Variants in ABCA9 observed in about 807,000 individuals in gnomAD.
ABCA9 encodes ATP-binding cassette sub-family A member 9.
Under a neutral mutation model 205.3 loss-of-function variants are expected in ABCA9, and 183 were observed. The ratio of observed to expected loss-of-function variants is 0.89; its 90% CI spans 0.79 to 1.01. The LOEUF (loss-of-function observed/expected upper bound fraction) is 1.01. ABCA9 is among the 50% of genes least tolerant of loss of function. ABCA9 has a pLI of 0.00. For synonymous variants in ABCA9, 651 were observed against 683.3 expected, an observed-to-expected ratio of 0.95 and a Z score of 0.74; for missense variants, 1,805 against 1,912.4, an observed-to-expected ratio of 0.94 and a Z score of 1.05.
chr17:69,004,967 GC>G (rs2070068799), intron 25 of ABCA9, among the ~76,000 whole-genome samples: 2 of 152,082 alleles, frequency 1.3e-5, no homozygotes, highest in Admixed American at 1.3e-4. Context: ...GCAATGCCTC[GC>G]CCTGCTTCGG....
chr17:68,984,826 A>T, intron 34 of ABCA9, 59 bp downstream of exon 34: 1 of 1,597,754 alleles, frequency 6.3e-7, no homozygotes, highest in Non-Finnish European at 8.6e-7. Context: ...ATGATTTTGC[A>T]GGCCAGTTTT....
At chr17:69,062,502 A>ATATT (rs747545052), upstream of ABCA9, among the ~76,000 whole-genome samples, 352 of 151,486 alleles carry the variant, frequency 2.3e-3, 1 homozygote, top group Non-Finnish European at 4.2e-3. Context: ...ACAATATTTA[A>ATATT]TATTTATTTA....
At position 69,021,863 on chromosome 17, in the gene ABCA9, T is replaced by C. The variant is rs1414507180; in HGVS notation, c.2282-2A>G. 2 of 1,440,164 alleles carry C rather than the reference T, an allele frequency of 1.4e-6. No individual in the cohort carries two copies. Among genetic ancestry groups the C allele is most frequent in the South Asian group, 2.8e-5 (2 of 71,392 alleles). 89.2% of individuals were successfully genotyped at this position (1,440,164 alleles called of 1,614,324 possible). On this transcript the variant is annotated splice_acceptor_variant, in intron 17 of 38. Transcript: ENST00000340001. LOFTEE classifies it high-confidence loss of function. ...ATCTATCAAGATCCCTGTAAAGTTC[T>C]AAAAGTGGATACAAAAACAGATTAT... is the stretch of plus-strand genomic sequence containing the variant.
rs779181484 is a variant in ABCA9 at position 69,033,759 on chromosome 17, C to A, written c.1243G>T (p.Val415Leu). 2 of 1,610,618 alleles carry A rather than the reference C, an allele frequency of 1.2e-6. No individual in the cohort carries two copies. The highest frequency in any genetic ancestry group is 1.7e-6 in the Non-Finnish European group (2 of 1,178,494). Reference protein sequence around the residue: ...MLVFDTLLYLVLTLYFDKILP... With the variant: ...MLVFDTLLYLLLTLYFDKILP... ...ATTTTGTCAAAATATAATGTCAATA[C>A]CAAATACAGAAGGGTGTCAAAAACC... Residue 415 changes from valine (V) to leucine (L), a missense_variant, in exon 9 of 39, where the codon GTA becomes TTA. Physicochemically the swap from Val to Leu is conservative, Grantham distance 32 (BLOSUM62 1). Transcript: ENST00000340001.
intron 37 of ABCA9, among the ~76,000 whole-genome samples, chr17:68,977,704 G>A (rs890160020): frequency 9.2e-5 from 14 of 152,180 alleles, no homozygotes; most frequent in African/African-American, 2.2e-4. Context: ...GGACGACACC[G>A]TGCCTAGCCC....
rs564018717 is a variant in ABCA9 at position 69,007,703 on chromosome 17, C to G, written c.3435+56G>C. The G allele has an allele frequency of 2.2e-4, 252 of 1,142,214 alleles. 5 individuals are homozygous for G. The South Asian group carries it at 2.9e-3, about 13-fold the overall frequency. The allele number at this position is 1,142,214 out of a possible 1,614,324, so 70.8% of individuals were successfully genotyped here. A position where few individuals can be genotyped will look rare whatever the true frequency, so the allele number is the denominator to read the frequency against. On this transcript the variant is annotated intron_variant, in intron 25 of 38. Transcript: ENST00000340001. ...CACTCTGCTTAGCACAAAGATTAAA[C>G]ATGTTCTTGGATTTATGAAAAATGG...
At position 69,020,576 on chromosome 17, in the gene ABCA9, A is replaced by G. The variant is rs2144288148; in HGVS notation, c.2412T>C (p.Ile804=). 1 of 1,613,482 alleles carries G rather than the reference A, an allele frequency of 6.2e-7. No individual in the cohort carries two copies. The highest frequency in any genetic ancestry group is 2.2e-5 in the East Asian group (1 of 44,868). The change falls in exon 19 of 39, where the codon ATT becomes ATC. Residue 804 remains isoleucine, a synonymous_variant. Transcript: ENST00000340001. ...CCCCATCAGTTTGTAATTGTCCCCA[A>G]ATTCCAATATCTAAAACATAAGATC... ...KSTIDESDIG[I]WGQLQTDGAK...
At chr17:69,070,807 C>A in the ABCA9 span, among the ~76,000 whole-genome samples, 3 of 152,188 alleles carry the variant, frequency 2.0e-5, no homozygotes, top group Non-Finnish European at 4.4e-5. Context: ...GCAGATCACA[C>A]CTTCACAGAG....
Position 68,986,164 on chromosome 17 carries a change from C to T in ABCA9, c.4208G>A (p.Arg1403Gln), listed in dbSNP as rs766481353. The T allele has an allele frequency of 1.3e-5, 21 of 1,604,846 alleles. No individual in the cohort carries two copies. The highest frequency in any genetic ancestry group is 1.7e-5 in the Admixed American group (1 of 58,510). The part of the protein sequence containing the change: ...RKGDAMIAIT[R>Q]LVDALKLQDQ... Reference sequence around the variant, plus strand: ...GGGAGTGCCCCCCAGTCCCAGGTACCGTGTGATGGCGATCATTGCGTCCCC... The same window carrying T: ...GGGAGTGCCCCCCAGTCCCAGGTACTGTGTGATGGCGATCATTGCGTCCCC... Residue 1403 changes from arginine (R) to glutamine (Q), a missense_variant and splice_region_variant, in exon 32 of 39, where the codon CGG becomes CAG. Physicochemically the swap from Arg to Gln is conservative, Grantham distance 43. Transcript: ENST00000340001.
Position 69,043,563 on chromosome 17 carries a change from T to G in ABCA9, c.726A>C (p.Ser242=), listed in dbSNP as rs1447376886. ...ATTGTCTTTCTTGTGTAACATTGAC[T>G]GATACATAGTATATAAATGTAGAAA... The part of the protein sequence containing the change: ...ISFSTFIYYV[S]VNVTQERQYI... The change falls in exon 6 of 39, where the codon TCA becomes TCC. Residue 242 remains serine (S), a synonymous_variant. Transcript: ENST00000340001. 1.2e-6 allele frequency: 2 copies of G among 1,611,748 alleles called. No homozygotes were observed. Among genetic ancestry groups the G allele is most frequent in the Non-Finnish European group, 1.7e-6 (2 of 1,178,926 alleles).
At chr17:69,073,319 C>A in the ABCA9 span, among the ~76,000 whole-genome samples, 1 of 152,174 alleles carries the variant, frequency 6.6e-6, no homozygotes. Flanking sequence ...CACCACACAG[C>A]ACTTACTCTA....
intron 23 of ABCA9, among the ~76,000 whole-genome samples, 185 bp from the exon 24 acceptor site, chr17:69,008,420 T>C (rs2070242760): frequency 6.6e-6 from 1 of 152,240 alleles, no homozygotes; most frequent in Non-Finnish European, 1.5e-5. Context: ...GCAAGCCACG[T>C]CATTATTTCA....
At chr17:68,983,598 C>G (rs2069132242) in intron 36 of ABCA9, 111 bp downstream of exon 36, 1 of 1,416,230 alleles carries the variant, frequency 7.1e-7, no homozygotes, top group Non-Finnish European at 9.6e-7. Context: ...AAAGTACTTG[C>G]AATTACCATA....
intron 37 of ABCA9, among the ~76,000 whole-genome samples, chr17:68,977,022 A>G (rs2068908054): frequency 7.5e-6 from 1 of 132,886 alleles, no homozygotes; most frequent in African/African-American, 2.5e-5. Flanking sequence ...TCCCTATCTT[A>G]TATCTGGAAA....
Position 69,060,804 on chromosome 17 carries a change from A to G in ABCA9, c.-14+62T>C, listed in dbSNP as rs1368155047. On this transcript the variant is annotated intron_variant, in intron 1 of 38. Transcript: ENST00000340001. ...TTCTACCTAAACGTCTGGCATGCCT[A>G]TTTATAGTCTTATGTTATATTTCTA... The G allele has an allele frequency of 5.2e-6, 5 of 953,734 alleles. No individual in the cohort carries two copies. The East Asian group carries it at 4.6e-4, about 88-fold the overall frequency. The allele number at this position is 953,734 out of a possible 1,614,324, so 59.1% of individuals were successfully genotyped here.
upstream of ABCA9, among the ~76,000 whole-genome samples, chr17:69,062,549 C>A (rs1265098602): frequency 1.3e-5 from 2 of 152,048 alleles, no homozygotes; most frequent in Non-Finnish European, 2.9e-5. Context: ...TTCCCTCTGT[C>A]ACCCAGGCTG....
At chr17:69,044,977 T>G (rs2071662391) in intron 4 of ABCA9, among the ~76,000 whole-genome samples, 195 bp downstream of exon 4, 1 of 152,154 alleles carries the variant, frequency 6.6e-6, no homozygotes, top group African/African-American at 2.4e-5. Flanking sequence ...AGAGTAAATA[T>G]AATTTCTTAA....
intron 8 of ABCA9, among the ~76,000 whole-genome samples, chr17:69,034,314 T>C (rs555238161): frequency 6.6e-6 from 1 of 152,292 alleles, no homozygotes; most frequent in African/African-American, 2.4e-5. Context: ...CTCAGCCTCC[T>C]GGACCTAGGT....
rs762370750 is a variant in ABCA9, at chr17:69,027,366, T to C, written c.1875A>G (p.Lys625=). ...AQNLSGGQNR[K]LTFGIAILGD... is the part of the protein sequence containing the mutation. ...CTAAAATGGCAATCCCAAAAGTTAG[T>C]TTCCTATTTTGTCCACCACTTAAGT... The change falls in exon 14 of 39, where the codon AAA becomes AAG. Residue 625 remains lysine, a synonymous_variant. Coordinates refer to ENST00000340001, the MANE Select transcript of ABCA9 (RefSeq NM_080283.4). 1.2e-6 allele frequency: 2 copies of C among 1,613,310 alleles called. No homozygotes were observed. The highest frequency in any genetic ancestry group is 2.2e-5 in the South Asian group (2 of 90,964).
Sources: allele counts gnomAD v4.1 joint callset (sites outside exome capture counted in the v4.1 genomes callset), GRCh38; gene constraint gnomAD v4.1.1; transcripts MANE v1.5; gene names NCBI Gene and HGNC (gene_info 2026-07-23, HGNC 2026-07-21).